UBE3B: variants seen among roughly 807,000 people sequenced by gnomAD.
UBE3B encodes ubiquitin protein ligase E3B.
UBE3B carries 80 observed loss-of-function variants against 132.3 expected under a neutral mutation model. The ratio of observed to expected loss-of-function variants is 0.60; its 90% CI spans 0.50 to 0.73. The LOEUF is 0.73. UBE3B is among the 30% of genes least tolerant of loss of function. The probability of loss-of-function intolerance (pLI) is 0.00; values close to 1 mark genes in which losing one functional copy is unlikely to be tolerated. For synonymous variants in UBE3B, 487 were observed against 520.4 expected (o/e 0.94, Z 0.87); for missense variants, 1,196 against 1,362.5 (o/e 0.88, Z 1.92).
chr12:109,546,808 C>T, the UBE3B span, among the ~76,000 whole-genome samples: 2 of 152,174 alleles, frequency 1.3e-5, no homozygotes, highest in Non-Finnish European at 2.9e-5. Context: ...CTCCTGGGCT[C>T]AGGTGATCCT....
chr12:109,485,848 G>C (rs201364013), intron 4 of UBE3B, among the ~76,000 whole-genome samples, 164 bp from the exon 5 acceptor site: 139 of 152,264 alleles, frequency 9.1e-4, no homozygotes, highest in South Asian at 2.1e-3. Flanking sequence ...TAGTCTTTAT[G>C]ATCTTCAGTG....
Sources: gnomAD v4.1 joint callset for allele counts (sites outside exome capture counted in the v4.1 genomes callset) on GRCh38, gnomAD v4.1.1 for gene constraint, MANE v1.5 for transcripts, NCBI Gene and HGNC (gene_info 2026-07-23, HGNC 2026-07-21) for gene names.